Variants in CNTN1 observed in about 807,000 individuals in gnomAD.
The protein encoded by CNTN1 is contactin-1.
Under a neutral mutation model 126.4 loss-of-function variants are expected in CNTN1, and 38 were observed. The observed-to-expected ratio is 0.30, with a 90% CI of 0.23 to 0.39. The LOEUF is 0.39. Ranked by LOEUF, CNTN1 falls within the 10% of genes least tolerant of loss-of-function variation. The probability of loss-of-function intolerance (pLI) is 1.00; values close to 1 mark genes in which losing one functional copy is unlikely to be tolerated. For synonymous variants in CNTN1, 413 were observed against 422.6 expected (o/e 0.98, Z 0.28); for missense variants, 1,009 against 1,248.4 (o/e 0.81, Z 2.89).
chr12:41,058,863 G>A (rs1285275068), intron 23 of CNTN1, among the ~76,000 whole-genome samples: 1 of 152,126 alleles, frequency 6.6e-6, no homozygotes, highest in Non-Finnish European at 1.5e-5. Context: ...ACACACTTCA[G>A]ACTATAGTTA....
At chr12:40,731,621 G>A (rs1425996785) in intron 1 of CNTN1, among the ~76,000 whole-genome samples, 1 of 151,904 alleles carries the variant, frequency 6.6e-6, no homozygotes, top group Non-Finnish European at 1.5e-5. Flanking sequence ...GACCAAGTAT[G>A]CAATATACCA....
At chr12:40,882,989 T>G (rs146953964) in intron 1 of CNTN1, among the ~76,000 whole-genome samples, 164 of 151,740 alleles carry the variant, frequency 1.1e-3, no homozygotes, top group African/African-American at 3.7e-3. Context: ...TCTGATCGTC[T>G]TTCAGTAATT....
chr12:41,004,125 G>T (rs1038443126), intron 17 of CNTN1, among the ~76,000 whole-genome samples: 17 of 152,236 alleles, frequency 1.1e-4, no homozygotes, highest in African/African-American at 3.4e-4. Flanking sequence ...GTGTCCCAGA[G>T]ATTCTGGTAT....
chr12:41,050,699 G>C (rs965827567), intron 23 of CNTN1, among the ~76,000 whole-genome samples: 1 of 152,064 alleles, frequency 6.6e-6, no homozygotes, highest in Non-Finnish European at 1.5e-5. Context: ...GTCTACCTTT[G>C]ATATGAGCCA....
Position 40,972,121 on chromosome 12 carries a change from G to T in CNTN1, c.1805-8788G>T, listed in dbSNP as rs1947533926. Reference sequence around the variant, plus strand: ...TTCCTGGAATTGGAAAGTGAAAATGGATAGCATGTGGGGGAAACCCTCATC... The same window carrying T: ...TTCCTGGAATTGGAAAGTGAAAATGTATAGCATGTGGGGGAAACCCTCATC... On this transcript the variant is annotated intron_variant, in intron 15 of 23. Transcript: ENST00000551295. The T allele has an allele frequency of 4.1e-6, 4 of 985,376 alleles. No individual in the cohort carries two copies. In the South Asian group the frequency reaches 1.9e-4, roughly 46 times the overall value. 61.0% of individuals were successfully genotyped at this position (985,376 alleles called of 1,614,324 possible).
Position 40,872,194 on chromosome 12 carries a change from G to T in CNTN1, c.-76-36163G>T, listed in dbSNP as rs12316716. Among the ~76,000 whole-genome samples the T allele has an allele frequency of 7.7e-3, 1,116 of 145,854 alleles. 20 individuals carry two copies. Among genetic ancestry groups the T allele is most frequent in the African/African-American group, 0.027 (1,045 of 39,216 alleles). ...CTTGAGCTTAAGAGATTTCGGTAGG[G>T]TTTTTCCGTTGCTTTGTTTGTGTGT... is the stretch of plus-strand genomic sequence containing the variant. On this transcript the variant is annotated intron_variant, in intron 1 of 23. Transcript: ENST00000551295.
At position 40,881,992 on chromosome 12, in the gene CNTN1, G is replaced by A. The variant is rs143004664; in HGVS notation, c.-76-26365G>A. Among the ~76,000 whole-genome samples the A allele has an allele frequency of 1.1e-3, 171 of 150,928 alleles. 3 individuals carry two copies. The East Asian group carries it at 0.03, about 27-fold the overall frequency. On this transcript the variant is annotated intron_variant, in intron 1 of 23. Coordinates refer to ENST00000551295, the MANE Select transcript of CNTN1 (RefSeq NM_001843.4). ...TTACTGTGAGTGATCAGAGAACAGC[G>A]TTTTTAAAAAATTGGTTTCTTTGGT...
intron 15 of CNTN1, among the ~76,000 whole-genome samples, chr12:40,976,832 A>G (rs1371623617): frequency 6.6e-6 from 1 of 152,078 alleles, no homozygotes; most frequent in African/African-American, 2.4e-5. Context: ...TCCGTGCTCT[A>G]TTTTTTGCCA....
At chr12:41,064,207 G>A (rs908597471) in intron 23 of CNTN1, among the ~76,000 whole-genome samples, 5 of 150,772 alleles carry the variant, frequency 3.3e-5, no homozygotes, top group Non-Finnish European at 7.4e-5. Flanking sequence ...GAGGCAAATT[G>A]TAAAAGAACA....
At chr12:41,005,698 CT>C (rs1387258091) in intron 17 of CNTN1, among the ~76,000 whole-genome samples, 4 of 152,072 alleles carry the variant, frequency 2.6e-5, no homozygotes, top group Non-Finnish European at 5.9e-5. Flanking sequence ...ATTTCCTCTG[CT>C]TGGTCTATTC....
chr12:40,717,426 T>C (rs528277676), intron 1 of CNTN1, among the ~76,000 whole-genome samples: 1 of 152,292 alleles, frequency 6.6e-6, no homozygotes, highest in Admixed American at 6.5e-5. Context: ...TAGGGTATAG[T>C]TATTATATTC....
chr12:40,830,677 A>AT (rs1423285253), intron 1 of CNTN1, among the ~76,000 whole-genome samples: 1 of 149,048 alleles, frequency 6.7e-6, no homozygotes, highest in Non-Finnish European at 1.5e-5. Context: ...AAGGTGTAAT[A>AT]TTTCTTTATA....
At chr12:41,023,921 G>A (rs1177293949) in intron 20 of CNTN1, among the ~76,000 whole-genome samples, 1 of 152,170 alleles carries the variant, frequency 6.6e-6, no homozygotes, top group East Asian at 1.9e-4. Context: ...AAAAGGCAGA[G>A]TGAACAGGAA....
chr12:40,879,332 A>G (rs968819946), intron 1 of CNTN1, among the ~76,000 whole-genome samples: 1 of 152,156 alleles, frequency 6.6e-6, no homozygotes, highest in Non-Finnish European at 1.5e-5. Context: ...CCTACAGTTA[A>G]GTAAAGGCCA....
At chr12:40,964,955 C>T (rs1234325156) in intron 15 of CNTN1, among the ~76,000 whole-genome samples, 1 of 152,156 alleles carries the variant, frequency 6.6e-6, no homozygotes, top group East Asian at 1.9e-4. Context: ...TCCCACTCTT[C>T]ACTGTCCAGA....
At chr12:41,014,698 G>A (rs974784251) in intron 18 of CNTN1, among the ~76,000 whole-genome samples, 1 of 152,200 alleles carries the variant, frequency 6.6e-6, no homozygotes, top group African/African-American at 2.4e-5. Flanking sequence ...CTCCTCACTT[G>A]AAGCTTACTT....
chr12:40,971,314 C>G (rs967550564), intron 15 of CNTN1: 1 of 805,656 alleles, frequency 1.2e-6, no homozygotes, highest in East Asian at 2.7e-5. Context: ...AGATACCTTT[C>G]TGTGTTTATT....
intron 1 of CNTN1, among the ~76,000 whole-genome samples, chr12:40,897,975 T>C (rs113193617): frequency 7.9e-5 from 12 of 152,348 alleles, no homozygotes; most frequent in African/African-American, 2.9e-4. Context: ...TTCACGAGTA[T>C]ATGCCCTAGC....
intron 17 of CNTN1, among the ~76,000 whole-genome samples, chr12:41,006,696 G>A (rs977230013): frequency 3.3e-5 from 5 of 152,260 alleles, no homozygotes; most frequent in African/African-American, 1.2e-4. Context: ...TAAGGAAGAT[G>A]TGGCTATTCC....
Sources: gnomAD v4.1 joint callset for allele counts (sites outside exome capture counted in the v4.1 genomes callset) on GRCh38, gnomAD v4.1.1 for gene constraint, MANE v1.5 for transcripts, NCBI Gene and HGNC (gene_info 2026-07-23, HGNC 2026-07-21) for gene names.